The following PTPN18 variants were observed in gnomAD, a reference collection of about 807,000 sequenced individuals.
The protein encoded by PTPN18 is tyrosine-protein phosphatase non-receptor type 18.
In PTPN18, 65 loss-of-function variants were observed where a neutral mutation model predicts 65.4. That is an observed-to-expected ratio of 0.99 (90% CI 0.81 to 1.22). The LOEUF (loss-of-function observed/expected upper bound fraction) is 1.22, where lower values mean the gene tolerates loss of function less well. PTPN18 is among the 50% of genes most tolerant of loss of function. PTPN18 has a pLI of 0.00. For missense variants in PTPN18, 616 were observed against 646.5 expected (o/e 0.95, Z 0.51); for synonymous variants, 255 against 267.8 (o/e 0.95, Z 0.47).
rs1384409385 is a variant in PTPN18, at chr2:130,371,201, T to C, written c.927T>C (p.Asn309=). 6.2e-7 allele frequency: 1 copy of C among 1,605,482 alleles called. No individual in the cohort carries two copies. The highest frequency in any genetic ancestry group is 1.7e-5 in the Admixed American group (1 of 59,868). The change falls in exon 12 of 15, where the codon AAT becomes AAC. Residue 309 remains asparagine, a splice_region_variant and synonymous_variant. Transcript: ENST00000175756. ...ASPHYQNIKE[N]CAPLYDDALF... is the part of the protein sequence containing the mutation. ...CCTCCCCTCCTGTTTTTCTTCAGAA[T>C]TGTGCCCCACTCTACGACGATGCCC... is the stretch of plus-strand genomic sequence containing the variant.
At chr2:130,371,417 T>C (rs1680562359) in intron 12 of PTPN18, 130 bp downstream of exon 12, 2 of 761,500 alleles carry the variant, frequency 2.6e-6, no homozygotes, top group South Asian at 3.7e-5. Flanking sequence ...CGAATTGAGC[T>C]CTGGGAACCC....
In PTPN18 at chr2:130,373,023, T is replaced by G. The variant is rs1680631755; in HGVS notation, c.1315+76T>G. ...CCAGGAGTCTGGGGTTGATGGGGCA[T>G]GGAGCTTAGTCCTGTGGATGTGGCT... On this transcript the variant is annotated intron_variant, in intron 14 of 14. Coordinates refer to ENST00000175756, the MANE Select transcript of PTPN18 (RefSeq NM_014369.4). The surrounding 1 kb of genome is among the most constrained non-coding windows in gnomAD (Gnocchi z 4.1). The G allele has an allele frequency of 6.3e-7, 1 of 1,587,024 alleles. No individual in the cohort carries two copies. The highest frequency in any genetic ancestry group is 8.6e-7 in the Non-Finnish European group (1 of 1,156,896).
intron 1 of PTPN18, 55 bp downstream of exon 1, chr2:130,356,255 G>T (rs1249113641): frequency 3.3e-6 from 4 of 1,222,616 alleles, no homozygotes; most frequent in Non-Finnish European, 1.1e-6. Context: ...CCCTGCGTAC[G>T]CCTGTCCTCC....
intron 1 of PTPN18, chr2:130,356,534 C>A: frequency 2.0e-6 from 1 of 504,010 alleles, no homozygotes; most frequent in Non-Finnish European, 4.0e-6. Context: ...GGGCGGGCGG[C>A]CCTGCTGCGC....
At position 130,373,181 on chromosome 2, in the gene PTPN18, C is replaced by T. The variant is rs751028079; in HGVS notation, c.1340C>T (p.Pro447Leu). The T allele has an allele frequency of 6.2e-6, 10 of 1,600,900 alleles. No individual in the cohort carries two copies. In the African/African-American group the frequency reaches 1.2e-4, roughly 19 times the overall value. Residue 447 changes from proline (P) to leucine (L), a missense_variant, in exon 15 of 15, where the codon CCG becomes CTG. This residue lies in a region of PTPN18 where 368 missense variants were observed against 386.7 expected (regional missense o/e 0.95). Coordinates refer to ENST00000175756, the MANE Select transcript of PTPN18 (RefSeq NM_014369.4). This position sits in a 1 kb window ranked among gnomAD's most constrained non-coding sequence, Gnocchi z 4.1. Reference sequence around the variant, plus strand: ...GGTTTCAACCTGCGCATTGGGAGGCCGAAGGGTCCCCGGGACCCGCCTGCT... The same window carrying T: ...GGTTTCAACCTGCGCATTGGGAGGCTGAAGGGTCCCCGGGACCCGCCTGCT... ...GLGFNLRIGR[P>L]KGPRDPPAEW...
At chr2:130,358,473 TG>T (rs1680064556) in intron 1 of PTPN18, among the ~76,000 whole-genome samples, 1 of 152,152 alleles carries the variant, frequency 6.6e-6, no homozygotes, top group Admixed American at 6.5e-5. Context: ...TACAAGACAA[TG>T]TCACAGATTG....
At chr2:130,369,051 G>C in intron 5 of PTPN18, 82 bp from the exon 6 acceptor site, 2 of 1,190,398 alleles carry the variant, frequency 1.7e-6, no homozygotes, top group Non-Finnish European at 2.4e-6. Flanking sequence ...GAGCACCTGG[G>C]GTGTCTTGTG....
rs1419533862 is a variant in PTPN18 at position 130,370,788 on chromosome 2, C to T, written c.834+6C>T. 6.2e-7 allele frequency: 1 copy of T among 1,613,674 alleles called. No individual in the cohort carries two copies. The highest frequency in any genetic ancestry group is 8.5e-7 in the Non-Finnish European group (1 of 1,179,590). ...CTGCGGCCGTGCAGACAGAGGTGAACCCTGGGTCTCCTAATCTTCAGGGAC... is the reference window on the plus strand; with the variant it reads ...CTGCGGCCGTGCAGACAGAGGTGAATCCTGGGTCTCCTAATCTTCAGGGAC... On this transcript the variant is annotated splice_donor_region_variant and intron_variant, in intron 10 of 14. Coordinates refer to ENST00000175756, the MANE Select transcript of PTPN18 (RefSeq NM_014369.4).
intron 5 of PTPN18, chr2:130,362,152 G>T (rs1010153956): frequency 1.1e-5 from 5 of 470,190 alleles, no homozygotes; most frequent in African/African-American, 8.0e-5. Flanking sequence ...TTTATTTCTT[G>T]TAGAGATTAA....
At chr2:130,359,043 G>A in intron 2 of PTPN18, 68 bp downstream of exon 2, 2 of 1,538,026 alleles carry the variant, frequency 1.3e-6, no homozygotes, top group African/African-American at 1.4e-5. Flanking sequence ...GCGTCAGTGT[G>A]CACTGGAGTC....
intron 5 of PTPN18, among the ~76,000 whole-genome samples, chr2:130,368,046 ATATTT>A (rs1337689165): frequency 2.6e-5 from 4 of 151,658 alleles, no homozygotes; most frequent in Admixed American, 1.3e-4. Context: ...TTCATTTCAT[ATATTT>A]TATTTTTCCT....
At position 130,374,335 on chromosome 2, in the gene PTPN18, A is replaced by ATT. The variant is rs58598309; in HGVS notation, c.*1124_*1125dup. The ATT allele has an allele frequency of 9.5e-4, 200 of 210,292 alleles. No individual in the cohort carries two copies. The highest frequency in any genetic ancestry group is 2.0e-3 in the Middle Eastern group (1 of 502). 13.0% of individuals were successfully genotyped at this position (210,292 alleles called of 1,614,324 possible). On this transcript the variant is annotated 3_prime_UTR_variant, in exon 15 of 15. Coordinates refer to ENST00000175756, the MANE Select transcript of PTPN18 (RefSeq NM_014369.4). ...CCGAGTAGCTGGGACTACAGGTCTA[A>ATT]TTTTTTTTTTTTTTAAGAAATGAGT...
At position 130,359,165 on chromosome 2, in the gene PTPN18, G is replaced by C. The variant is rs577733737; in HGVS notation, c.203-68G>C. On this transcript the variant is annotated intron_variant, in intron 2 of 14. Coordinates refer to ENST00000175756, the MANE Select transcript of PTPN18 (RefSeq NM_014369.4). The stretch of plus-strand genomic sequence containing the variant: ...TGGTCCCCTGCTGGCTTTCAGCTAG[G>C]GGGCTGTCAGAGGCTCCGTCACCCT... The C allele has an allele frequency of 2.0e-5, 32 of 1,582,954 alleles. No homozygotes were observed. In the South Asian group the frequency reaches 3.3e-4, roughly 16 times the overall value.
At chr2:130,372,735 C>A in intron 13 of PTPN18, 138 bp from the exon 14 acceptor site, 2 of 1,103,936 alleles carry the variant, frequency 1.8e-6, no homozygotes, top group Non-Finnish European at 2.6e-6. Context: ...GAGGCCACGT[C>A]CGGGGTGTGT....
At chr2:130,370,340 TC>T (rs1680517838) in intron 8 of PTPN18, 150 bp downstream of exon 8, 1 of 1,267,634 alleles carries the variant, frequency 7.9e-7, no homozygotes, top group Non-Finnish European at 1.1e-6. Flanking sequence ...GAGCACTTGT[TC>T]AGCACAGACT....
intron 10 of PTPN18, 39 bp from the exon 11 acceptor site, chr2:130,370,836 C>T (rs1680535838): frequency 1.2e-6 from 2 of 1,611,794 alleles, no homozygotes; most frequent in African/African-American, 1.3e-5. Context: ...CTGTCATTTG[C>T]CCCTGCCTTC....
chr2:130,371,627 T>A (rs1341595728), intron 12 of PTPN18, among the ~76,000 whole-genome samples: 3 of 152,030 alleles, frequency 2.0e-5, no homozygotes, highest in Admixed American at 1.3e-4. Context: ...CCAGCCTGGT[T>A]AACATGGTGA....
rs982721860 is a variant in PTPN18, at chr2:130,362,808, A to ATTTTTGTTTTTG, written c.414+3181_414+3192dup. Among the ~76,000 whole-genome samples the ATTTTTGTTTTTG allele has an allele frequency of 1.3e-4, 20 of 151,902 alleles. 2 individuals carry two copies. The highest frequency in any genetic ancestry group is 4.6e-4 in the African/African-American group (19 of 41,448). Reference sequence around the variant, plus strand: ...GCTATGCAACTATTACCACAGTAAGATTTTTGTTTTTGTTTTTGTTTTTGT... The same window carrying ATTTTTGTTTTTG: ...GCTATGCAACTATTACCACAGTAAGATTTTTGTTTTTGTTTTTGTTTTTGTTTTTGTTTTTGT... On this transcript the variant is annotated intron_variant, in intron 5 of 14. Coordinates refer to ENST00000175756, the MANE Select transcript of PTPN18 (RefSeq NM_014369.4).
chr2:130,359,436 C>T lies in PTPN18; in HGVS notation c.319C>T (p.Pro107Ser). 1 of 1,614,212 alleles carries T rather than the reference C, an allele frequency of 6.2e-7. No individual in the cohort carries two copies. The highest frequency in any genetic ancestry group is 1.1e-5 in the South Asian group (1 of 91,078). ...CCTGGCCTACATTGCCACGCAAGGACCCTTGCCTCACACCCTGCTAGACTT... is the reference window on the plus strand; with the variant it reads ...CCTGGCCTACATTGCCACGCAAGGATCCTTGCCTCACACCCTGCTAGACTT... ...GSLAYIATQG[P>S]LPHTLLDFWR... The change falls in exon 4 of 15, where the codon CCC becomes TCC. Residue 107 changes from proline (P) to serine (S), a missense_variant. Pro to Ser is a moderately conservative substitution (Grantham distance 74, BLOSUM62 -1). Coordinates refer to ENST00000175756, the MANE Select transcript of PTPN18 (RefSeq NM_014369.4).
Sources: gnomAD v4.1 joint callset for allele counts (sites outside exome capture counted in the v4.1 genomes callset) on GRCh38, gnomAD v4.1.1 for gene constraint, gnomAD v4.1.1 regional missense constraint, Gnocchi (gnomAD v3.1) non-coding constraint, MANE v1.5 for transcripts, NCBI Gene and HGNC (gene_info 2026-07-23, HGNC 2026-07-21) for gene names.